Variants in PIK3CD observed in about 807,000 individuals in gnomAD.
PIK3CD encodes the protein phosphatidylinositol 4,5-bisphosphate 3-kinase catalytic subunit delta isoform.
Under a neutral mutation model 122.9 loss-of-function variants are expected in PIK3CD, and 20 were observed. That is an observed-to-expected ratio of 0.16 (90% CI 0.11 to 0.24). PIK3CD has a LOEUF of 0.24. Among genes scored for constraint, PIK3CD ranks in the 10% least tolerant of loss-of-function variants. The probability of loss-of-function intolerance (pLI) is 1.00; values close to 1 mark genes in which losing one functional copy is unlikely to be tolerated. For missense variants in PIK3CD, 787 were observed against 1,406.3 expected (o/e 0.56, Z 7.04); for synonymous variants, 596 against 593.4 (o/e 1.00, Z -0.06).
At chr1:9,632,309 G>C in the PIK3CD span, among the ~76,000 whole-genome samples, 1 of 152,070 alleles carries the variant, frequency 6.6e-6, no homozygotes, top group Non-Finnish European at 1.5e-5. Context: ...ACCGCACCTG[G>C]CTTCTTCTTT....
rs938086382 is a variant in PIK3CD at position 9,696,530 on chromosome 1, T to C, written c.-33+4959T>C. ...ACTTTGGGAAGCTGAAGCAGGAGAA[T>C]TGCTTGAGCCCAGGAGTTTGAAAGC... On this transcript the variant is annotated intron_variant, in intron 2 of 23. Transcript: ENST00000377346. Among the ~76,000 whole-genome samples the C allele has an allele frequency of 3.3e-5, 5 of 151,950 alleles. No homozygotes were observed. The South Asian group carries it at 8.3e-4, about 25-fold the overall frequency.
upstream of PIK3CD, among the ~76,000 whole-genome samples, chr1:9,648,580 T>C (rs1195104213): frequency 6.6e-6 from 1 of 152,250 alleles, no homozygotes; most frequent in Admixed American, 6.5e-5. Flanking sequence ...ATTTGTCTTC[T>C]GGCTCTTGGC....
chr1:9,677,183 A>G (rs1242360542), intron 1 of PIK3CD, among the ~76,000 whole-genome samples: 1 of 152,166 alleles, frequency 6.6e-6, no homozygotes, highest in African/African-American at 2.4e-5. Context: ...ATCTCACCCC[A>G]GGAGAATGGG....
At chr1:9,655,072 A>AG (rs1448785531) in intron 1 of PIK3CD, among the ~76,000 whole-genome samples, 4 of 151,614 alleles carry the variant, frequency 2.6e-5, no homozygotes, top group South Asian at 2.1e-4. Flanking sequence ...ATTTCAAAAA[A>AG]AAAAAAAAGA....
Position 9,722,084 on chromosome 1 carries a change from A to G in PIK3CD, c.2165A>G (p.Glu722Gly), listed in dbSNP as rs1570390774. The change falls in exon 17 of 24, where the codon GAG becomes GGG. Residue 722 changes from glutamate to glycine, a missense_variant. Around this residue, in one of 6 missense-constraint regions of PIK3CD, gnomAD observed 48 missense variants for 71.9 expected, o/e 0.67. Coordinates refer to ENST00000377346, the MANE Select transcript of PIK3CD (RefSeq NM_005026.5). This position sits in a 1 kb window ranked among gnomAD's most constrained non-coding sequence, Gnocchi z 7.6. ...KELMHLCMRQ[E>G]AYLEALSHLQ... ...CTGATGCACTTGTGCATGCGGCAGGAGGCCTACCTAGAGGCCCTCTCCCAC... is the reference window on the plus strand; with the variant it reads ...CTGATGCACTTGTGCATGCGGCAGGGGGCCTACCTAGAGGCCCTCTCCCAC... 6.2e-7 allele frequency: 1 copy of G among 1,613,462 alleles called. No homozygotes were observed. Among genetic ancestry groups the G allele is most frequent in the Non-Finnish European group, 8.5e-7 (1 of 1,179,966 alleles).
At chr1:9,698,839 A>AT (rs1486053373) in intron 2 of PIK3CD, among the ~76,000 whole-genome samples, 6 of 151,342 alleles carry the variant, frequency 4.0e-5, no homozygotes, top group Admixed American at 2.0e-4. Flanking sequence ...TGGGGATAGC[A>AT]TTTTTTTTCA....
intron 1 of PIK3CD, among the ~76,000 whole-genome samples, chr1:9,686,846 T>C (rs1645983569): frequency 6.6e-6 from 1 of 152,214 alleles, no homozygotes; most frequent in Non-Finnish European, 1.5e-5. Context: ...GTGTCTGTTA[T>C]CCATGTGTGA....
intron 3 of PIK3CD, among the ~76,000 whole-genome samples, chr1:9,713,606 G>T (rs766292000): frequency 9.3e-5 from 14 of 150,654 alleles, no homozygotes; most frequent in Non-Finnish European, 3.0e-5. Context: ...ATTTTATTTT[G>T]CTTGAGAATG....
At chr1:9,696,810 C>A (rs939936443) in intron 2 of PIK3CD, among the ~76,000 whole-genome samples, 28 of 150,404 alleles carry the variant, frequency 1.9e-4, no homozygotes, top group African/African-American at 6.8e-4. Context: ...TTAGAAATAT[C>A]AAGGTCAGGC....
intron 2 of PIK3CD, among the ~76,000 whole-genome samples, chr1:9,699,292 A>T (rs1035088902): frequency 3.6e-4 from 55 of 152,104 alleles, no homozygotes; most frequent in African/African-American, 1.3e-3. Flanking sequence ...CCCCTCATCA[A>T]CCCAGCCCTG....
chr1:9,664,512 A>G (rs2100880749), intron 1 of PIK3CD, among the ~76,000 whole-genome samples: 1 of 152,250 alleles, frequency 6.6e-6, no homozygotes, highest in African/African-American at 2.4e-5. Context: ...GGGTTTTACC[A>G]CTGTTCAAGT....
rs1004473393 is a variant in PIK3CD at position 9,726,759 on chromosome 1, G to A, written c.2998-150G>A. 8.2e-6 allele frequency: 8 copies of A among 972,966 alleles called. No individual in the cohort carries two copies. The East Asian group carries it at 1.1e-4, about 13-fold the overall frequency. 60.3% of individuals were successfully genotyped at this position (972,966 alleles called of 1,614,324 possible). On this transcript the variant is annotated intron_variant, in intron 23 of 23. Coordinates refer to ENST00000377346, the MANE Select transcript of PIK3CD (RefSeq NM_005026.5). ...GATGTCTTTGGCACCTTCATTTGAG[G>A]GTGGGAGCGGAATAGAGAGCTTTTC... is the stretch of plus-strand genomic sequence containing the variant.
At chr1:9,698,711 G>C (rs1371444415) in intron 2 of PIK3CD, among the ~76,000 whole-genome samples, 1 of 152,154 alleles carries the variant, frequency 6.6e-6, no homozygotes, top group African/African-American at 2.4e-5. Context: ...AAGTTACCAG[G>C]TCTGAGACCA....
chr1:9,645,025 C>CTTTTTTTTTTT, the PIK3CD span, among the ~76,000 whole-genome samples: 3 of 81,806 alleles, frequency 3.7e-5, no homozygotes, highest in Non-Finnish European at 4.4e-5. Flanking sequence ...CTTTTCTTTT[C>CTTTTTTTTTTT]TTTTTTTTTT....
In PIK3CD at chr1:9,724,603, A is replaced by C. The variant is rs981066044; in HGVS notation, c.2864+182A>C. On this transcript the variant is annotated intron_variant, in intron 22 of 23. Transcript: ENST00000377346. The surrounding 1 kb of genome is among the most constrained non-coding windows in gnomAD (Gnocchi z 7.3). ...CACCCTGCAGTGCCCCTTTTGGGCA[A>C]TGTGGGCAGGTTTGTGGGTCATGTA... 4.6e-5 allele frequency among the ~76,000 whole-genome samples: 7 copies of C among 152,276 alleles called. No individual in the cohort carries two copies. In the East Asian group the frequency reaches 1.2e-3, roughly 25 times the overall value.
At chr1:9,655,438 A>ACC in intron 1 of PIK3CD, among the ~76,000 whole-genome samples, 2 of 119,134 alleles carry the variant, frequency 1.7e-5, no homozygotes, top group Admixed American at 9.2e-5. Flanking sequence ...AAAACCCAGG[A>ACC]ACCCCCCGCC....
chr1:9,675,590 G>C (rs1296918654), intron 1 of PIK3CD, among the ~76,000 whole-genome samples: 1 of 151,832 alleles, frequency 6.6e-6, no homozygotes, highest in Non-Finnish European at 1.5e-5. Flanking sequence ...TGCTGGGTTG[G>C]GGGAGGGGAG....
At chr1:9,690,700 C>T (rs1646167579) in intron 1 of PIK3CD, among the ~76,000 whole-genome samples, 1 of 152,168 alleles carries the variant, frequency 6.6e-6, no homozygotes, top group African/African-American at 2.4e-5. Flanking sequence ...GTTCCTGCAA[C>T]CCATGCCTTT....
chr1:9,674,692 C>CAAAAA (rs35463378), intron 1 of PIK3CD, among the ~76,000 whole-genome samples: 4 of 58,220 alleles, frequency 6.9e-5, no homozygotes, highest in African/African-American at 2.3e-4. Flanking sequence ...GACTCCGTCT[C>CAAAAA]AAAAAAAAAA....
Sources: allele counts gnomAD v4.1 joint callset (sites outside exome capture counted in the v4.1 genomes callset), GRCh38; gene constraint gnomAD v4.1.1; regional missense constraint gnomAD v4.1.1; non-coding constraint Gnocchi (gnomAD v3.1); transcripts MANE v1.5; gene names NCBI Gene and HGNC (gene_info 2026-07-23, HGNC 2026-07-21).